Variants in RGS3 observed in about 807,000 individuals in gnomAD.
RGS3 encodes regulator of G protein signaling 3.
Under a neutral mutation model 132.6 loss-of-function variants are expected in RGS3, and 80 were observed. That is an observed-to-expected ratio of 0.60 (90% CI 0.50 to 0.73). The LOEUF (loss-of-function observed/expected upper bound fraction) is 0.73. Ranked by LOEUF, RGS3 falls within the 30% of genes least tolerant of loss-of-function variation. The probability of loss-of-function intolerance (pLI) is 0.00; values close to 1 mark genes in which losing one functional copy is unlikely to be tolerated. For synonymous variants in RGS3, 598 were observed against 620.6 expected, an observed-to-expected ratio of 0.96 and a Z score of 0.54; for missense variants, 1,382 against 1,530.8, an observed-to-expected ratio of 0.90 and a Z score of 1.62.
rs1000865774 is a variant in RGS3 at position 113,463,338 on chromosome 9, C to T, written c.415+1137C>T. 3.9e-5 allele frequency among the ~76,000 whole-genome samples: 6 copies of T among 152,282 alleles called. No homozygotes were observed. The South Asian group carries it at 6.2e-4, about 16-fold the overall frequency. On this transcript the variant is annotated intron_variant, in intron 3 of 24. Coordinates refer to ENST00000350696, the Ensembl canonical transcript of RGS3. The surrounding 1 kb of genome is among the most constrained non-coding windows in gnomAD (Gnocchi z 4.6). Reference sequence around the variant, plus strand: ...GCCATCGGGTGCTCCTTTGCCTTTGCTTGGATCTAATGATTATAGGCCTGA... The same window carrying T: ...GCCATCGGGTGCTCCTTTGCCTTTGTTTGGATCTAATGATTATAGGCCTGA...
chr9:113,446,020 G>A lies in RGS3; in HGVS notation c.-13+1093G>A, dbSNP rs528394850. On this transcript the variant is annotated intron_variant, in intron 1 of 25. Transcript: ENST00000374140. ...AAAACCCCTTGGGTTTGGTGGGAGG[G>A]AGTGAGGGTTTCATCCATGACACAG... Among the ~76,000 whole-genome samples, 10 of 152,300 alleles carry A rather than the reference G, an allele frequency of 6.6e-5. No individual in the cohort carries two copies. In the South Asian group the frequency reaches 2.1e-3, roughly 32 times the overall value.
At position 113,507,783 on chromosome 9, in the gene RGS3, C is replaced by G; in HGVS notation, c.1437+145C>G. ...GAGATGGGGTATGTGCTAGCTCTGC[C>G]TTCTGCAAGGCTGTTCTTGGTAGGG... is the stretch of plus-strand genomic sequence containing the variant. On this transcript the variant is annotated intron_variant, in intron 13 of 24. Transcript: ENST00000350696. This position sits in a 1 kb window ranked among gnomAD's most constrained non-coding sequence, Gnocchi z 5.0. 2 of 631,402 alleles carry G rather than the reference C, an allele frequency of 3.2e-6. No homozygotes were observed. The highest frequency in any genetic ancestry group is 5.1e-6 in the Non-Finnish European group (2 of 391,652). The allele number at this position is 631,402 out of a possible 1,614,324, so 39.1% of individuals were successfully genotyped here.
chr9:113,594,669 G>T (rs1835662328), intron 22 of RGS3, 138 bp downstream of exon 20: 2 of 771,476 alleles, frequency 2.6e-6, no homozygotes, highest in Non-Finnish European at 4.2e-6. Context: ...CACAGAGGGA[G>T]CTGGGTACCT....
At chr9:113,562,813 A>C (rs1833849327) in intron 19 of RGS3, among the ~76,000 whole-genome samples, 1 of 152,184 alleles carries the variant, frequency 6.6e-6, no homozygotes, top group Non-Finnish European at 1.5e-5. Context: ...CCTGCCACTC[A>C]GTTGCTGTGT....
At chr9:113,582,008 C>T in intron 19 of RGS3, 4 of 985,480 alleles carry the variant, frequency 4.1e-6, no homozygotes, top group Non-Finnish European at 4.8e-6. Flanking sequence ...TTCACTTTCA[C>T]ACTCCCAGGC....
chr9:113,461,987 A>G (rs374751604), intron 2 of RGS3: 35 of 1,607,592 alleles, frequency 2.2e-5, no homozygotes, highest in Non-Finnish European at 1.0e-5. Context: ...TCTTCAGGCC[A>G]TGGCTAACTC....
intron 3 of RGS3, among the ~76,000 whole-genome samples, chr9:113,469,786 G>T (rs1215524602): frequency 6.6e-6 from 1 of 151,794 alleles, no homozygotes; most frequent in Non-Finnish European, 1.5e-5. Context: ...AAATATTGGG[G>T]ATTTTCTGGT....
chr9:113,498,178 T>G, intron 10 of RGS3, 98 bp downstream of exon 8: 1 of 1,015,770 alleles, frequency 9.8e-7, no homozygotes. Context: ...CATTTGGTGC[T>G]TGAAACTCAG....
intron 19 of RGS3, among the ~76,000 whole-genome samples, chr9:113,562,352 C>T (rs1207242384): frequency 6.6e-6 from 1 of 151,942 alleles, no homozygotes; most frequent in East Asian, 1.9e-4. Context: ...TGGCGCACGC[C>T]TGTAGTCCCA....
At chr9:113,588,401 T>G (rs2119012214) in intron 20 of RGS3, among the ~76,000 whole-genome samples, 1 of 152,340 alleles carries the variant, frequency 6.6e-6, no homozygotes, top group South Asian at 2.1e-4. Flanking sequence ...CAGCCATGGA[T>G]GGCCAGGGAG....
chr9:113,486,500 G>A (rs1010011151), intron 7 of RGS3, among the ~76,000 whole-genome samples: 3 of 152,354 alleles, frequency 2.0e-5, no homozygotes, highest in East Asian at 1.9e-4. Flanking sequence ...CAGTTAGAGC[G>A]GAGCAGGGGA....
Position 113,591,650 on chromosome 9 carries a change from CA to C in RGS3, c.3080+255del, listed in dbSNP as rs1564621097. ...CCCGGAAGCCACAGTGAACCAGAAG[CA>C]ACCAGCCCGTTTGCCCTGGCTTTAG... On this transcript the variant is annotated intron_variant, in intron 21 of 24. Transcript: ENST00000350696. The surrounding 1 kb of genome is among the most constrained non-coding windows in gnomAD (Gnocchi z 4.4). 2.1e-6 allele frequency: 1 copy of C among 484,482 alleles called. No individual in the cohort carries two copies. The highest frequency in any genetic ancestry group is 3.8e-6 in the Non-Finnish European group (1 of 263,676). The allele number at this position is 484,482 out of a possible 1,614,324, so 30.0% of individuals were successfully genotyped here. A position where few individuals can be genotyped will look rare whatever the true frequency, so the allele number is the denominator to read the frequency against.
Position 113,506,978 on chromosome 9 carries a change from C to G in RGS3, c.1086-309C>G, listed in dbSNP as rs1343917945. Among the ~76,000 whole-genome samples the G allele has an allele frequency of 6.6e-6, 1 of 152,182 alleles. No individual in the cohort carries two copies. The highest frequency in any genetic ancestry group is 1.5e-5 in the Non-Finnish European group (1 of 68,034). On this transcript the variant is annotated intron_variant, in intron 12 of 24. Transcript: ENST00000350696. The surrounding 1 kb of genome is among the most constrained non-coding windows in gnomAD (Gnocchi z 4.7). ...GGCTTGCACTTAGGTGACCTGCTAGCTTTACTTGCTTATATCTTGCTTTTG... is the reference window on the plus strand; with the variant it reads ...GGCTTGCACTTAGGTGACCTGCTAGGTTTACTTGCTTATATCTTGCTTTTG...
At chr9:113,527,922 G>T (rs760985633) in intron 17 of RGS3, among the ~76,000 whole-genome samples, 23 of 152,322 alleles carry the variant, frequency 1.5e-4, no homozygotes, top group Non-Finnish European at 2.8e-4. Context: ...ATATGTGGTG[G>T]GCATTTGAGA....
At chr9:113,480,454 G>A (rs1411515589) in intron 4 of RGS3, among the ~76,000 whole-genome samples, 5 of 116,974 alleles carry the variant, frequency 4.3e-5, no homozygotes, top group South Asian at 2.8e-4. Flanking sequence ...ACGAGACTCC[G>A]TCTCAAAAAA....
upstream of RGS3, among the ~76,000 whole-genome samples, chr9:113,458,789 T>C (rs140155379): frequency 3.3e-5 from 5 of 152,326 alleles, no homozygotes; most frequent in Admixed American, 6.5e-5. Flanking sequence ...TCTTGCTCTG[T>C]TGTCCAGGCT....
chr9:113,536,246 A>G (rs756149984), intron 18 of RGS3, among the ~76,000 whole-genome samples: 5 of 152,196 alleles, frequency 3.3e-5, no homozygotes, highest in Non-Finnish European at 7.3e-5. Context: ...AGAGGGCCAC[A>G]TGACTCTGCC....
At chr9:113,508,492 C>T (rs780636860) in intron 13 of RGS3, 49 bp from the exon 12 acceptor site, 1 of 1,609,944 alleles carries the variant, frequency 6.2e-7, no homozygotes, top group Non-Finnish European at 8.5e-7. Context: ...CCTGGGCTGT[C>T]CTGCCCTGTT....
chr9:113,564,998 C>T lies in RGS3; in HGVS notation c.2038-18452C>T, dbSNP rs77095027. On this transcript the variant is annotated intron_variant, in intron 19 of 24. Coordinates refer to ENST00000350696, the Ensembl canonical transcript of RGS3. ...AGCAGGCCGGCTGGAGGCGGCTTTG[C>T]GCTGCCCCAGCCTGGGAGCCCTCAG... The T allele has an allele frequency of 1.1e-3, 1,137 of 1,024,598 alleles. 10 individuals are homozygous for T. In the African/African-American group the frequency reaches 0.018, roughly 16 times the overall value. 63.5% of individuals were successfully genotyped at this position (1,024,598 alleles called of 1,614,324 possible). A position where few individuals can be genotyped will look rare whatever the true frequency, so the allele number is the denominator to read the frequency against.
Sources: gnomAD v4.1 joint callset for allele counts (sites outside exome capture counted in the v4.1 genomes callset) on GRCh38, gnomAD v4.1.1 for gene constraint, Gnocchi (gnomAD v3.1) non-coding constraint, MANE v1.5 for transcripts, NCBI Gene and HGNC (gene_info 2026-07-23, HGNC 2026-07-21) for gene names.